The following TACC2 variants were observed in gnomAD, a reference collection of about 807,000 sequenced individuals.
The protein encoded by TACC2 is transforming acidic coiled-coil-containing protein 2.
TACC2 carries 137 observed loss-of-function variants against 227.3 expected under a neutral mutation model. That is an observed-to-expected ratio of 0.60 (90% CI 0.52 to 0.69). The LOEUF is 0.69. Among genes scored for constraint, TACC2 ranks in the 30% least tolerant of loss-of-function variants. The pLI is 0.00. For missense variants in TACC2, 3,470 were observed against 3,694.4 expected, an observed-to-expected ratio of 0.94 and a Z score of 1.57; for synonymous variants, 1,523 against 1,487.5, an observed-to-expected ratio of 1.02 and a Z score of -0.55.
chr10:122,121,607 C>T lies in TACC2; in HGVS notation c.5574-11002C>T, dbSNP rs56293089. ...ATGTCTGGGACTTTAAAAAATTTGG[C>T]TTCAAAATGTGACAAGCGCTGCTTA... is the stretch of plus-strand genomic sequence containing the variant. On this transcript the variant is annotated intron_variant, in intron 5 of 22. Transcript: ENST00000369005. 3.8e-3 allele frequency among the ~76,000 whole-genome samples: 579 copies of T among 152,342 alleles called. 1 individual carries two copies. Among genetic ancestry groups the T allele is most frequent in the African/African-American group, 0.011 (473 of 41,580 alleles).
chr10:122,127,288 G>A (rs1299504036), intron 5 of TACC2: 1 of 152,580 alleles, frequency 6.6e-6, no homozygotes, highest in East Asian at 1.9e-4. Flanking sequence ...GTCACCCCTG[G>A]AGTGTGTGAT....
intron 2 of TACC2, chr10:122,023,536 A>G (rs1957587726): frequency 6.6e-6 from 1 of 152,014 alleles, no homozygotes; most frequent in Non-Finnish European, 1.5e-5. Context: ...TGAGCAACCT[A>G]TCGCAAGGAC....
At position 122,106,749 on chromosome 10, in the gene TACC2, A is replaced by G. The variant is rs913165704; in HGVS notation, c.5573+18158A>G. ...TTTGAAGATGCTTTTGGCTACAAGT[A>G]ACAGACCACCCAATACAAGAAAGCT... On this transcript the variant is annotated intron_variant, in intron 5 of 22. Coordinates refer to ENST00000369005, the MANE Select transcript of TACC2 (RefSeq NM_206862.4). Among the ~76,000 whole-genome samples, 13 of 152,360 alleles carry G rather than the reference A, an allele frequency of 8.5e-5. No homozygotes were observed. In the East Asian group the frequency reaches 2.5e-3, roughly 29 times the overall value.
intron 7 of TACC2, chr10:122,163,763 C>A: frequency 8.3e-7 from 1 of 1,209,464 alleles, no homozygotes; most frequent in Non-Finnish European, 1.0e-6. Context: ...CGAGTCGCAG[C>A]TCCCTGCCGC....
At chr10:122,116,175 A>G (rs1410780043) in intron 5 of TACC2, among the ~76,000 whole-genome samples, 1 of 152,182 alleles carries the variant, frequency 6.6e-6, no homozygotes, top group Non-Finnish European at 1.5e-5. Flanking sequence ...AAGTTTGCAG[A>G]GCAATGCATC....
In TACC2 at chr10:122,150,441, C is replaced by A. The variant is rs1045834675; in HGVS notation, c.5834+6735C>A. 6.6e-6 allele frequency among the ~76,000 whole-genome samples: 1 copy of A among 152,200 alleles called. No homozygotes were observed. Among genetic ancestry groups the A allele is most frequent in the Non-Finnish European group, 1.5e-5 (1 of 68,030 alleles). On this transcript the variant is annotated intron_variant, in intron 7 of 22. Transcript: ENST00000369005. This position sits in a 1 kb window ranked among gnomAD's most constrained non-coding sequence, Gnocchi z 4.0. ...CACCCTCCTCCCCGAGCACGGCTGC[C>A]CAGGGACGGCCCTCGGCTTCCACTT...
At chr10:122,000,899 T>C (rs1438305333) in intron 1 of TACC2, among the ~76,000 whole-genome samples, 1 of 152,228 alleles carries the variant, frequency 6.6e-6, no homozygotes, top group Non-Finnish European at 1.5e-5. Context: ...CTTGGCTCAC[T>C]GCAACCTCCA....
intron 6 of TACC2, among the ~76,000 whole-genome samples, chr10:122,135,029 C>T (rs1286585304): frequency 4.6e-5 from 7 of 152,164 alleles, no homozygotes; most frequent in Admixed American, 3.9e-4. Flanking sequence ...CGAGTGTCTC[C>T]GTAAATCCTC....
chr10:122,021,184 G>A (rs1429428242), intron 1 of TACC2, among the ~76,000 whole-genome samples: 1 of 150,502 alleles, frequency 6.6e-6, no homozygotes, highest in Non-Finnish European at 1.5e-5. Flanking sequence ...AGTCGAGATC[G>A]TGCCACTGCA....
rs1314431261 is a variant in TACC2 at position 122,185,047 on chromosome 10, G to A, written c.5835-9993G>A. ...TTTTTTTTTTTTTTTTTTTTTTTTA[G>A]TAGAGCTGGGATCTCATCATGTGGC... On this transcript the variant is annotated intron_variant, in intron 7 of 22. Transcript: ENST00000369005. Among the ~76,000 whole-genome samples the A allele has an allele frequency of 4.2e-5, 4 of 95,616 alleles. No individual in the cohort carries two copies. The South Asian group carries it at 1.1e-3, about 26-fold the overall frequency. 62.7% of individuals were successfully genotyped at this position (95,616 alleles called of 152,430 possible).
chr10:122,014,310 A>C (rs767841228), intron 1 of TACC2, among the ~76,000 whole-genome samples: 5 of 151,684 alleles, frequency 3.3e-5, no homozygotes, highest in Non-Finnish European at 7.4e-5. Context: ...AGCGAGTTCA[A>C]GCGATTCTCC....
chr10:122,004,690 A>G (rs1214520332), intron 1 of TACC2, among the ~76,000 whole-genome samples: 2 of 152,122 alleles, frequency 1.3e-5, no homozygotes, highest in Non-Finnish European at 2.9e-5. Flanking sequence ...CTGTCCTCCA[A>G]ACTATCTTTG....
At chr10:122,191,220 G>A (rs1375313942) in intron 7 of TACC2, among the ~76,000 whole-genome samples, 4 of 151,944 alleles carry the variant, frequency 2.6e-5, no homozygotes, top group Non-Finnish European at 5.9e-5. Flanking sequence ...TGGACGAAGC[G>A]ATCCTCCTGA....
rs1213227589 is a variant in TACC2 at position 122,210,618 on chromosome 10, A to G, written c.6193A>G (p.Lys2065Glu). The change falls in exon 9 of 23, where the codon AAA becomes GAA. Residue 2065 changes from lysine (K) to glutamate (E), a missense_variant. Coordinates refer to ENST00000369005, the MANE Select transcript of TACC2 (RefSeq NM_206862.4). This position sits in a 1 kb window ranked among gnomAD's most constrained non-coding sequence, Gnocchi z 4.6. ...CTCAGACGCTAAGAATCAGGAGGGC[A>G]AAGTGAACACACGGAGGAAGTCCAC... is the stretch of plus-strand genomic sequence containing the variant. Reference protein sequence around the residue: ...RASDAKNQEGKVNTRRKSTDS... With the variant: ...RASDAKNQEGEVNTRRKSTDS... 1.9e-6 allele frequency: 3 copies of G among 1,614,142 alleles called. No homozygotes were observed. In the South Asian group the frequency reaches 3.3e-5, roughly 18 times the overall value.
rs988606559 is a variant in TACC2 at position 122,033,071 on chromosome 10, G to A, written c.33+11057G>A. On this transcript the variant is annotated intron_variant, in intron 2 of 22. Transcript: ENST00000369005. ...CCTGTTCCCTGCGACCTGTCCTAAC[G>A]GTGAGATCCCTTTGCATTTCAGCAG... The A allele has an allele frequency of 1.5e-5, 19 of 1,286,770 alleles. No homozygotes were observed. In the African/African-American group the frequency reaches 1.8e-4, roughly 12 times the overall value. 79.7% of individuals were successfully genotyped at this position (1,286,770 alleles called of 1,614,324 possible).
intron 5 of TACC2, among the ~76,000 whole-genome samples, chr10:122,115,731 G>C (rs2084584753): frequency 6.6e-6 from 1 of 152,096 alleles, no homozygotes; most frequent in African/African-American, 2.4e-5. Flanking sequence ...CTGTGTGTGT[G>C]TATGTGCATA....
At chr10:122,016,261 G>GGAA (rs372264740) in intron 1 of TACC2, among the ~76,000 whole-genome samples, 1 of 103,292 alleles carries the variant, frequency 9.7e-6, no homozygotes, top group Non-Finnish European at 1.8e-5. Context: ...GACCCTGTCT[G>GGAA]AAAAAAAAAA....
chr10:122,246,398 G>T (rs2096120258), intron 19 of TACC2: 1 of 152,282 alleles, frequency 6.6e-6, no homozygotes, highest in Admixed American at 6.5e-5. Context: ...CTGGGGTATG[G>T]CAAGGTGCAG....
chr10:122,065,305 C>T (rs1228685082), intron 3 of TACC2, among the ~76,000 whole-genome samples: 3 of 152,252 alleles, frequency 2.0e-5, no homozygotes, highest in Admixed American at 6.5e-5. Flanking sequence ...GTTTTAACTG[C>T]GTCCCACAAA....
Sources: allele counts gnomAD v4.1 joint callset (sites outside exome capture counted in the v4.1 genomes callset), GRCh38; gene constraint gnomAD v4.1.1; non-coding constraint Gnocchi (gnomAD v3.1); transcripts MANE v1.5; gene names NCBI Gene and HGNC (gene_info 2026-07-23, HGNC 2026-07-21).